UBE2H: variants seen among roughly 807,000 people sequenced by gnomAD.
UBE2H encodes ubiquitin-conjugating enzyme E2 H.
A neutral mutation model predicts 29.0 loss-of-function variants in UBE2H; 3 were observed. The observed-to-expected ratio is 0.10, with a 90% CI of 0.05 to 0.27. The LOEUF is 0.27. UBE2H is among the 10% of genes least tolerant of loss of function. The pLI, the probability that UBE2H is intolerant of heterozygous loss-of-function variation, is 1.00. For synonymous variants in UBE2H, 69 were observed against 82.9 expected, an observed-to-expected ratio of 0.83 and a Z score of 0.91; for missense variants, 68 against 228.2, an observed-to-expected ratio of 0.30 and a Z score of 4.52.
chr7:129,898,144 A>G (rs1395538931), intron 1 of UBE2H, among the ~76,000 whole-genome samples: 3 of 152,226 alleles, frequency 2.0e-5, no homozygotes, highest in South Asian at 2.1e-4. Flanking sequence ...AAAACCCTGG[A>G]AAGTCAAGGG....
intron 1 of UBE2H, chr7:129,949,113 G>A (rs1807825018): frequency 2.2e-6 from 1 of 445,684 alleles, no homozygotes; most frequent in African/African-American, 2.0e-5. Context: ...CTGGTTCACA[G>A]ATGAAAGGAT....
chr7:129,845,420 A>G (rs530877803), intron 5 of UBE2H, among the ~76,000 whole-genome samples: 1 of 152,294 alleles, frequency 6.6e-6, no homozygotes, highest in South Asian at 2.1e-4. Flanking sequence ...ATTTGCTCGT[A>G]GGTTCTTTTT....
At chr7:129,889,596 T>TA (rs1309034095) in intron 1 of UBE2H, among the ~76,000 whole-genome samples, 2 of 152,204 alleles carry the variant, frequency 1.3e-5, no homozygotes, top group African/African-American at 4.8e-5. Context: ...TACTATGTAT[T>TA]TTACTTTTAT....
At chr7:129,928,137 C>T (rs1471226018) in intron 1 of UBE2H, among the ~76,000 whole-genome samples, 2 of 151,756 alleles carry the variant, frequency 1.3e-5, no homozygotes, top group South Asian at 2.1e-4. Flanking sequence ...TCAAGACCAT[C>T]CTGGCCAACA....
At chr7:129,914,978 G>C (rs1217834264) in intron 1 of UBE2H, among the ~76,000 whole-genome samples, 1 of 152,152 alleles carries the variant, frequency 6.6e-6, no homozygotes, top group Non-Finnish European at 1.5e-5. Flanking sequence ...AATGTCAGCT[G>C]TTACTACTAT....
chr7:129,839,958 C>A (rs1223200152), intron 5 of UBE2H, among the ~76,000 whole-genome samples: 1 of 152,224 alleles, frequency 6.6e-6, no homozygotes. Context: ...GACCTGCCAG[C>A]CTTGGCCTTC....
chr7:129,867,704 A>AAAAAAAAGAAAAAC (rs1805935090), intron 3 of UBE2H, among the ~76,000 whole-genome samples: 1 of 87,444 alleles, frequency 1.1e-5, no homozygotes, highest in African/African-American at 5.0e-5. Context: ...TATAATAAAA[A>AAAAAAAAGAAAAAC]AAAAAAAAAA....
intron 1 of UBE2H, among the ~76,000 whole-genome samples, chr7:129,948,669 A>G (rs911570639): frequency 6.6e-6 from 1 of 152,102 alleles, no homozygotes; most frequent in Non-Finnish European, 1.5e-5. Context: ...GTAAAAATAA[A>G]TAAGGGGGGG....
At chr7:129,866,015 T>C (rs758164043) in intron 3 of UBE2H, among the ~76,000 whole-genome samples, 2 of 152,174 alleles carry the variant, frequency 1.3e-5, no homozygotes, top group Non-Finnish European at 1.5e-5. Context: ...CACAATCTGA[T>C]AGATTTTCAT....
At chr7:129,850,889 G>A (rs1012611404) in intron 5 of UBE2H, among the ~76,000 whole-genome samples, 2 of 151,300 alleles carry the variant, frequency 1.3e-5, no homozygotes, top group Non-Finnish European at 3.0e-5. Context: ...AGAGAGAAAG[G>A]AGAGAGAGAG....
At chr7:129,913,049 G>A (rs1388381987) in intron 1 of UBE2H, among the ~76,000 whole-genome samples, 4 of 152,028 alleles carry the variant, frequency 2.6e-5, no homozygotes, top group South Asian at 2.1e-4. Flanking sequence ...TCAGGAGTTC[G>A]AGACCAGCCT....
chr7:129,912,320 T>C (rs79779545), intron 1 of UBE2H, among the ~76,000 whole-genome samples: 9,481 of 152,298 alleles, frequency 0.062, 366 homozygotes, highest in Non-Finnish European at 0.091. Flanking sequence ...TTTGGATTTA[T>C]TTGCATATAC....
chr7:129,921,211 G>A lies in UBE2H; in HGVS notation c.53+31292C>T, dbSNP rs1406937342. ...CTGTCTCTGATCTTTACTCTTGAGG[G>A]TCCAATTGTACTCATCATTCTATAT... On this transcript the variant is annotated intron_variant, in intron 1 of 6. Transcript: ENST00000355621. Among the ~76,000 whole-genome samples the A allele has an allele frequency of 3.3e-5, 5 of 151,908 alleles. No individual in the cohort carries two copies. The South Asian group carries it at 8.3e-4, about 25-fold the overall frequency.
chr7:129,874,192 T>C (rs1304886834), intron 3 of UBE2H, among the ~76,000 whole-genome samples: 1 of 151,976 alleles, frequency 6.6e-6, no homozygotes, highest in African/African-American at 2.4e-5. Flanking sequence ...GGAATGCTAG[T>C]GTTTAAGTAA....
intron 1 of UBE2H, among the ~76,000 whole-genome samples, chr7:129,942,744 C>CA (rs1373337119): frequency 1.3e-5 from 2 of 151,902 alleles, no homozygotes; most frequent in African/African-American, 4.8e-5. Flanking sequence ...ATACCATCAA[C>CA]AAAAAGTGTG....
At chr7:129,863,644 A>C (rs533209252) in intron 3 of UBE2H, among the ~76,000 whole-genome samples, 3 of 152,262 alleles carry the variant, frequency 2.0e-5, no homozygotes, top group African/African-American at 4.8e-5. Flanking sequence ...AAAACCACCA[A>C]CATGATAAAA....
At chr7:129,878,760 G>C (rs571235386) in intron 3 of UBE2H, among the ~76,000 whole-genome samples, 1 of 147,686 alleles carries the variant, frequency 6.8e-6, no homozygotes, top group African/African-American at 2.5e-5. Flanking sequence ...ATGAGGCTTA[G>C]TCTGATTCTC....
At chr7:129,949,127 C>A in intron 1 of UBE2H, 1 of 426,170 alleles carries the variant, frequency 2.3e-6, no homozygotes, top group South Asian at 1.7e-5. Context: ...AAAGGATCAC[C>A]AGGGCTGTGC....
chr7:129,877,625 A>T (rs1806172805), intron 3 of UBE2H, among the ~76,000 whole-genome samples: 1 of 152,234 alleles, frequency 6.6e-6, no homozygotes, highest in Non-Finnish European at 1.5e-5. Context: ...GAAAGCACAC[A>T]GAAAGGCAAA....
Sources: allele counts gnomAD v4.1 joint callset (sites outside exome capture counted in the v4.1 genomes callset), GRCh38; gene constraint gnomAD v4.1.1; transcripts MANE v1.5; gene names NCBI Gene and HGNC (gene_info 2026-07-23, HGNC 2026-07-21).